The following TMEM209 variants were observed in gnomAD, a reference collection of about 807,000 sequenced individuals.
TMEM209 encodes the protein testicular tissue protein Li 202.
Under a neutral mutation model 76.2 loss-of-function variants are expected in TMEM209, and 65 were observed. The observed-to-expected ratio is 0.85, with a 90% CI of 0.70 to 1.05. The LOEUF (loss-of-function observed/expected upper bound fraction) is 1.05. TMEM209 is among the 50% of genes least tolerant of loss of function. The pLI, the probability that TMEM209 is intolerant of heterozygous loss-of-function variation, is 0.00. For synonymous variants in TMEM209, 239 were observed against 237.6 expected, an observed-to-expected ratio of 1.01 and a Z score of -0.06; for missense variants, 623 against 685.5, an observed-to-expected ratio of 0.91 and a Z score of 1.02.
chr7:130,202,060 T>C lies in TMEM209; in HGVS notation c.363A>G (p.Ala121=). The C allele has an allele frequency of 6.2e-7, 1 of 1,613,760 alleles. No homozygotes were observed. The highest frequency in any genetic ancestry group is 8.5e-7 in the Non-Finnish European group (1 of 1,179,852). Reference sequence around the variant, plus strand: ...GTGGAGCGGGAGGGATTTGGGTTGCTGCCAGATCATGTGGAGGCGTAGTCT... The same window carrying C: ...GTGGAGCGGGAGGGATTTGGGTTGCCGCCAGATCATGTGGAGGCGTAGTCT... ...VVQTTPPHDL[A]ATQIPPAPPS... The change falls in exon 5 of 15, where the codon GCA becomes GCG. Residue 121 remains alanine (A), a synonymous_variant. Coordinates refer to ENST00000397622, the MANE Select transcript of TMEM209 (RefSeq NM_032842.4).
intron 13 of TMEM209, among the ~76,000 whole-genome samples, chr7:130,172,297 A>G (rs1797095373): frequency 6.6e-6 from 1 of 152,216 alleles, no homozygotes; most frequent in Non-Finnish European, 1.5e-5. Context: ...AGAAATGCAG[A>G]TAGCTGTATG....
chr7:130,189,276 A>T (rs1385556911), intron 6 of TMEM209, among the ~76,000 whole-genome samples: 1 of 151,194 alleles, frequency 6.6e-6, no homozygotes, highest in Admixed American at 6.6e-5. Context: ...GGTTCACTGC[A>T]ACCTCCGCCT....
intron 5 of TMEM209, among the ~76,000 whole-genome samples, chr7:130,197,673 A>AAC (rs1184281737): frequency 1.3e-5 from 2 of 152,228 alleles, no homozygotes; most frequent in East Asian, 3.8e-4. Context: ...GATCAGTAAC[A>AAC]ACACAGACAC....
At position 130,199,210 on chromosome 7, in the gene TMEM209, C is replaced by A. The variant is rs548825518; in HGVS notation, c.573+2640G>T. Among the ~76,000 whole-genome samples the A allele has an allele frequency of 5.9e-5, 9 of 151,978 alleles. No individual in the cohort carries two copies. In the East Asian group the frequency reaches 1.4e-3, roughly 23 times the overall value. On this transcript the variant is annotated intron_variant, in intron 5 of 14. Coordinates refer to ENST00000397622, the MANE Select transcript of TMEM209 (RefSeq NM_032842.4). ...ATGCTTTCCTGATATGCCTTTGTCACCTTTTTAATTTTTTTATTTTTTTTT... is the reference window on the plus strand; with the variant it reads ...ATGCTTTCCTGATATGCCTTTGTCAACTTTTTAATTTTTTTATTTTTTTTT...
At position 130,185,197 on chromosome 7, in the gene TMEM209, C is replaced by T. The variant is rs369405252; in HGVS notation, c.946G>A (p.Glu316Lys). ...EADLSSKQAA[E>K]EVWARVAMNR... ...CACTTTTATTTTCCACTTACCTCTTCTGCGGCTTGTTTAGAGCTGAGATCG... is the reference window on the plus strand; with the variant it reads ...CACTTTTATTTTCCACTTACCTCTTTTGCGGCTTGTTTAGAGCTGAGATCG... Residue 316 changes from glutamate to lysine, a missense_variant, in exon 7 of 15, where the codon GAA becomes AAA. Physicochemically the swap from Glu to Lys is moderately conservative, Grantham distance 56. Coordinates refer to ENST00000397622, the MANE Select transcript of TMEM209 (RefSeq NM_032842.4). 2.5e-6 allele frequency: 4 copies of T among 1,611,648 alleles called. No individual in the cohort carries two copies. Among genetic ancestry groups the T allele is most frequent in the East Asian group, 2.2e-5 (1 of 44,858 alleles).
Position 130,178,496 on chromosome 7 carries a change from G to A in TMEM209, c.1152C>T (p.Ala384=). 2 of 1,613,704 alleles carry A rather than the reference G, an allele frequency of 1.2e-6. No homozygotes were observed. Among genetic ancestry groups the A allele is most frequent in the Non-Finnish European group, 1.7e-6 (2 of 1,179,790 alleles). ...EASITSLKQA[A]LVKAPLIPTL... is the part of the protein sequence containing the mutation. ...TCGGAATGAGAGGCGCTTTAACCAGGGCAGCTTGTTTCAAGCTAGTAATAC... is the reference window on the plus strand; with the variant it reads ...TCGGAATGAGAGGCGCTTTAACCAGAGCAGCTTGTTTCAAGCTAGTAATAC... The change falls in exon 10 of 15, where the codon GCC becomes GCT. Residue 384 remains alanine, a synonymous_variant. Coordinates refer to ENST00000397622, the MANE Select transcript of TMEM209 (RefSeq NM_032842.4).
intron 6 of TMEM209, among the ~76,000 whole-genome samples, chr7:130,187,711 C>T (rs1178771294): frequency 6.6e-6 from 1 of 151,264 alleles, no homozygotes; most frequent in Non-Finnish European, 1.5e-5. Context: ...TATATCTTCA[C>T]ATGGGTTTAG....
intron 1 of TMEM209, chr7:130,204,985 C>A: frequency 8.9e-7 from 1 of 1,121,620 alleles, no homozygotes; most frequent in Non-Finnish European, 1.1e-6. Flanking sequence ...GGGTGGTGAG[C>A]GGAGTAAGAG....
chr7:130,197,005 T>C (rs1008710534), intron 5 of TMEM209, among the ~76,000 whole-genome samples: 5 of 152,176 alleles, frequency 3.3e-5, no homozygotes, highest in East Asian at 1.9e-4. Flanking sequence ...GGCAGGAAGA[T>C]TGCTTGAGTC....
At chr7:130,191,551 G>T (rs577290522) in intron 6 of TMEM209, among the ~76,000 whole-genome samples, 1 of 151,924 alleles carries the variant, frequency 6.6e-6, no homozygotes, top group African/African-American at 2.4e-5. Context: ...AGACCTAAAA[G>T]CAAGTCTCAA....
intron 5 of TMEM209, among the ~76,000 whole-genome samples, chr7:130,198,024 A>C (rs1798050183): frequency 6.6e-6 from 1 of 152,204 alleles, no homozygotes; most frequent in Non-Finnish European, 1.5e-5. Flanking sequence ...CATCACAATC[A>C]ATTTCAGAAC....
intron 5 of TMEM209, among the ~76,000 whole-genome samples, chr7:130,200,775 C>A (rs906963125): frequency 1.3e-5 from 2 of 151,998 alleles, no homozygotes; most frequent in African/African-American, 4.8e-5. Context: ...AATTCTATTA[C>A]CTGCCAAAAT....
chr7:130,178,695 C>G (rs1797319918), intron 9 of TMEM209, among the ~76,000 whole-genome samples, 168 bp from the exon 10 acceptor site: 1 of 152,172 alleles, frequency 6.6e-6, no homozygotes, highest in African/African-American at 2.4e-5. Flanking sequence ...TTCACCCCTC[C>G]TCTCTAAACA....
intron 10 of TMEM209, among the ~76,000 whole-genome samples, chr7:130,176,700 A>AT (rs1797248115): frequency 6.6e-6 from 1 of 152,236 alleles, no homozygotes. Context: ...GGAAAAAAAA[A>AT]GGTGAATGGG....
Position 130,175,539 on chromosome 7 carries a change from C to T in TMEM209, c.1317G>A (p.Trp439Ter), listed in dbSNP as rs1384250802. Residue 439 changes from tryptophan to a stop codon, truncating the protein, a stop_gained, in exon 11 of 15, where the codon TGG becomes TGA. Coordinates refer to ENST00000397622, the MANE Select transcript of TMEM209 (RefSeq NM_032842.4). LOFTEE classifies it high-confidence loss of function. ...NRGGDFKGRK[W>*]DTDLPTDSAI... The stretch of plus-strand genomic sequence containing the variant: ...CAGAATCGGTGGGCAGGTCTGTATC[C>T]CACTTTCGTCCTTTGAAGTCGCCAC... The T allele has an allele frequency of 6.2e-7, 1 of 1,612,900 alleles. No homozygotes were observed. Among genetic ancestry groups the T allele is most frequent in the South Asian group, 1.1e-5 (1 of 90,710 alleles).
At chr7:130,192,863 T>C (rs774250244) in intron 5 of TMEM209, 40 bp from the exon 6 acceptor site, 3 of 1,577,992 alleles carry the variant, frequency 1.9e-6, no homozygotes, top group African/African-American at 1.4e-5. Flanking sequence ...TTTTCTTTAA[T>C]TGAAATTCAT....
chr7:130,202,166 A>C, intron 4 of TMEM209, 75 bp from the exon 5 acceptor site: 2 of 1,503,546 alleles, frequency 1.3e-6, no homozygotes, highest in Non-Finnish European at 1.8e-6. Flanking sequence ...TTAAGCAACT[A>C]AGTCTTTCTC....
intron 1 of TMEM209, among the ~76,000 whole-genome samples, 183 bp from the exon 2 acceptor site, chr7:130,204,293 T>C (rs1302394560): frequency 6.6e-6 from 1 of 152,220 alleles, no homozygotes; most frequent in Non-Finnish European, 1.5e-5. Flanking sequence ...CAAAATTATA[T>C]GTAACTTAAT....
Position 130,190,014 on chromosome 7 carries a change from G to C in TMEM209, c.775+2608C>G, listed in dbSNP as rs1446125099. Among the ~76,000 whole-genome samples, 3 of 152,144 alleles carry C rather than the reference G, an allele frequency of 2.0e-5. No homozygotes were observed. In the East Asian group the frequency reaches 5.8e-4, roughly 29 times the overall value. ...AAAGGTGGCGCGGGCAGGGGGATTA[G>C]CTCAAAGAATGATAGTGTCATGTCA... On this transcript the variant is annotated intron_variant, in intron 6 of 14. Transcript: ENST00000397622.
Sources: allele counts gnomAD v4.1 joint callset (sites outside exome capture counted in the v4.1 genomes callset), GRCh38; gene constraint gnomAD v4.1.1; transcripts MANE v1.5; gene names NCBI Gene and HGNC (gene_info 2026-07-23, HGNC 2026-07-21).